Variants in SYNE2 observed in about 807,000 individuals in gnomAD.
SYNE2 encodes the protein spectrin repeat containing nuclear envelope protein 2.
In SYNE2, 431 loss-of-function variants were observed where a neutral mutation model predicts 856.3. The ratio of observed to expected loss-of-function variants is 0.50; its 90% CI spans 0.47 to 0.55. SYNE2 has a LOEUF of 0.55. Among genes scored for constraint, SYNE2 ranks in the 20% least tolerant of loss-of-function variants. SYNE2 has a pLI of 0.00. For missense variants in SYNE2, 8,129 were observed against 8,023.2 expected (o/e 1.01, Z -0.50); for synonymous variants, 2,923 against 2,872.3 (o/e 1.02, Z -0.56).
chr14:64,009,862 A>G lies in SYNE2; in HGVS notation c.4578-104A>G, dbSNP rs1181907347. 14 of 1,010,946 alleles carry G rather than the reference A, an allele frequency of 1.4e-5. No homozygotes were observed. In the East Asian group the frequency reaches 2.2e-4, roughly 16 times the overall value. 62.6% of individuals were successfully genotyped at this position (1,010,946 alleles called of 1,614,324 possible). A position where few individuals can be genotyped will look rare whatever the true frequency, so the allele number is the denominator to read the frequency against. Reference sequence around the variant, plus strand: ...TATTAAGAACCACATCAAGAGGAAAAGTCCTTTACACCTTATTCATCATTT... The same window carrying G: ...TATTAAGAACCACATCAAGAGGAAAGGTCCTTTACACCTTATTCATCATTT... On this transcript the variant is annotated intron_variant, in intron 31 of 115. Transcript: ENST00000555002.
intron 110 of SYNE2, among the ~76,000 whole-genome samples, chr14:64,219,973 T>C (rs1346698401): frequency 1.3e-5 from 2 of 152,220 alleles, no homozygotes; most frequent in African/African-American, 4.8e-5. Flanking sequence ...CCATGAGCAG[T>C]AGCCTGAGAC....
chr14:64,064,555 T>TTG (rs2097343196), intron 50 of SYNE2, among the ~76,000 whole-genome samples: 1 of 149,232 alleles, frequency 6.7e-6, no homozygotes, highest in Non-Finnish European at 1.5e-5. Flanking sequence ...TTTTTTTTTT[T>TTG]TTTTTTTTTT....
chr14:64,119,394 C>T (rs1262265009), intron 66 of SYNE2, 33 bp from the exon 67 acceptor site: 2 of 1,612,440 alleles, frequency 1.2e-6, no homozygotes, highest in African/African-American at 1.3e-5. Flanking sequence ...TCAAGAACAA[C>T]ATTATGAATA....
At chr14:64,154,395 TA>T (rs34163553) in intron 85 of SYNE2, among the ~76,000 whole-genome samples, 4 of 151,894 alleles carry the variant, frequency 2.6e-5, no homozygotes. Context: ...CACAAATTGT[TA>T]AAAAAAGTAT....
rs1248465488 is a variant in SYNE2 at position 64,012,913 on chromosome 14, A to G, written c.4728+2797A>G. 2.6e-5 allele frequency among the ~76,000 whole-genome samples: 4 copies of G among 152,276 alleles called. No individual in the cohort carries two copies. In the East Asian group the frequency reaches 7.7e-4, roughly 29 times the overall value. On this transcript the variant is annotated intron_variant, in intron 32 of 115. Transcript: ENST00000555002. Reference sequence around the variant, plus strand: ...ATCCTGCTTTGCAGCAGTGCCTGGAATATGATACCACTGAGAACTTTTGTC... The same window carrying G: ...ATCCTGCTTTGCAGCAGTGCCTGGAGTATGATACCACTGAGAACTTTTGTC...
At chr14:63,814,793 T>C (rs1479751274) in intron 1 of SYNE2, among the ~76,000 whole-genome samples, 4 of 128,242 alleles carry the variant, frequency 3.1e-5, no homozygotes, top group African/African-American at 1.1e-4. Flanking sequence ...TATATCCATA[T>C]ATATCCATAT....
chr14:64,026,125 C>T (rs974360129), intron 41 of SYNE2, among the ~76,000 whole-genome samples: 6 of 152,048 alleles, frequency 3.9e-5, no homozygotes, highest in South Asian at 2.1e-4. Context: ...TATATCCAGA[C>T]GTTTTCCCAG....
chr14:63,983,944 AT>A, intron 18 of SYNE2, 58 bp downstream of exon 18: 10 of 1,333,126 alleles, frequency 7.5e-6, no homozygotes, highest in Non-Finnish European at 1.0e-5. Context: ...TAACTTTGCT[AT>A]TAAAAAAAAG....
At position 64,163,519 on chromosome 14, in the gene SYNE2, C is replaced by T; in HGVS notation, c.16417C>T (p.His5473Tyr). 3 of 1,614,188 alleles carry T rather than the reference C, an allele frequency of 1.9e-6. No homozygotes were observed. The highest frequency in any genetic ancestry group is 2.5e-6 in the Non-Finnish European group (3 of 1,180,036). Residue 5473 changes from histidine to tyrosine, a missense_variant, in exon 89 of 116, where the codon CAC (histidine) becomes TAC (tyrosine). Transcript: ENST00000555002. ...STHMLLPGPL[H>Y]SLQRAAYLEK... ...CCACATGCTCCTCCCGGGCCCCCTG[C>T]ACTCTCTCCAGAGGGCTGCTTATTT... is the stretch of plus-strand genomic sequence containing the variant.
intron 1 of SYNE2, among the ~76,000 whole-genome samples, chr14:63,905,731 TATC>T (rs1695395164): frequency 6.6e-6 from 1 of 152,220 alleles, no homozygotes; most frequent in South Asian, 2.1e-4. Flanking sequence ...TATAGAATCA[TATC>T]ATCAGCAAAG....
Position 64,191,037 on chromosome 14 carries a change from T to C in SYNE2, c.18038+800T>C, listed in dbSNP as rs1199345817. The C allele has an allele frequency of 7.1e-6, 5 of 702,244 alleles. No individual in the cohort carries two copies. In the South Asian group the frequency reaches 7.4e-5, roughly 10 times the overall value. The allele number at this position is 702,244 out of a possible 1,614,324, so 43.5% of individuals were successfully genotyped here. ...CACACGGGTCCTTTCCATAGCAGTG[T>C]GCTCAGATGTTTTGAACAACACATA... is the stretch of plus-strand genomic sequence containing the variant. On this transcript the variant is annotated intron_variant, in intron 99 of 115. Transcript: ENST00000555002.
intron 33 of SYNE2, among the ~76,000 whole-genome samples, chr14:64,017,027 G>T (rs967321057): frequency 2.6e-5 from 4 of 151,940 alleles, no homozygotes; most frequent in African/African-American, 9.7e-5. Context: ...AAAAAATGTG[G>T]TTTAGAAATG....
At chr14:63,827,416 G>T (rs1404815015) in intron 1 of SYNE2, among the ~76,000 whole-genome samples, 1 of 151,552 alleles carries the variant, frequency 6.6e-6, no homozygotes, top group African/African-American at 2.4e-5. Context: ...CCTAAGGTTG[G>T]GAGTTCGAGA....
chr14:64,019,776 C>G (rs1315110432), intron 34 of SYNE2, among the ~76,000 whole-genome samples: 1 of 152,188 alleles, frequency 6.6e-6, no homozygotes, highest in African/African-American at 2.4e-5. Flanking sequence ...CCTAGCCTTT[C>G]TCTTGTCTTA....
rs780455758 is a variant in SYNE2, at chr14:64,126,589, C to A, written c.13708-9C>A. ...GCTCATTCATTGTCTTCCTTCCTCT[C>A]CACTCCAGACGCTGGCTCTTGAGTT... On this transcript the variant is annotated splice_polypyrimidine_tract_variant and intron_variant, in intron 72 of 115. Transcript: ENST00000555002. The A allele has an allele frequency of 2.5e-6, 4 of 1,614,206 alleles. No individual in the cohort carries two copies. The highest frequency in any genetic ancestry group is 3.4e-6 in the Non-Finnish European group (4 of 1,180,034).
chr14:64,170,375 C>T lies in SYNE2; in HGVS notation c.17148C>T (p.Leu5716=). The T allele has an allele frequency of 6.2e-7, 1 of 1,614,194 alleles. No homozygotes were observed. The change falls in exon 94 of 116, where the codon CTC becomes CTT. Residue 5716 remains leucine, a synonymous_variant. Coordinates refer to ENST00000555002, the MANE Select transcript of SYNE2 (RefSeq NM_182914.3). ...CTGTGGAGAACTTGTTTCGCTTCCT[C>T]ACTGACACCAGCCACCTGCTATCTG... is the stretch of plus-strand genomic sequence containing the variant. The part of the protein sequence containing the change: ...TTSVENLFRF[L]TDTSHLLSAV...
Position 64,223,175 on chromosome 14 carries a change from TTATC to T in SYNE2, c.20191-12_20191-9del. 4 of 1,613,034 alleles carry T rather than the reference TTATC, an allele frequency of 2.5e-6. No individual in the cohort carries two copies. The highest frequency in any genetic ancestry group is 3.4e-6 in the Non-Finnish European group (4 of 1,179,524). On this transcript the variant is annotated splice_polypyrimidine_tract_variant and intron_variant, in intron 112 of 115. Transcript: ENST00000555002. The stretch of plus-strand genomic sequence containing the variant: ...TGGACAGGTCACTGTTTCACACACT[TTATC>T]TGTTTTCAGCAACTGGAAAAGGAGC...
Position 64,130,193 on chromosome 14 carries a change from A to C in SYNE2, c.14285A>C (p.His4762Pro), listed in dbSNP as rs1171395180. Residue 4762 changes from histidine to proline, a missense_variant, in exon 76 of 116, where the codon CAC (histidine) becomes CCC (proline). His to Pro is a moderately conservative substitution (Grantham distance 77). This residue lies in a region of SYNE2 where 5,410 missense variants were observed against 5,284.8 expected (regional missense o/e 1.02). Coordinates refer to ENST00000555002, the MANE Select transcript of SYNE2 (RefSeq NM_182914.3). Reference protein sequence around the residue: ...KIGKEKLAHGHLKQTKSKVAL... With the variant: ...KIGKEKLAHGPLKQTKSKVAL... ...GGGAAGGAAAAGCTTGCTCATGGCCACTTAAAACAAACCAAAAGTAAAGTG... is the reference window on the plus strand; with the variant it reads ...GGGAAGGAAAAGCTTGCTCATGGCCCCTTAAAACAAACCAAAAGTAAAGTG... 6.2e-7 allele frequency: 1 copy of C among 1,614,046 alleles called. No homozygotes were observed. Among genetic ancestry groups the C allele is most frequent in the East Asian group, 2.2e-5 (1 of 44,854 alleles).
chr14:64,018,942 A>G (rs766925379), intron 34 of SYNE2, among the ~76,000 whole-genome samples: 1 of 152,180 alleles, frequency 6.6e-6, no homozygotes, highest in Non-Finnish European at 1.5e-5. Flanking sequence ...ATTCTTCCTA[A>G]TTGCTTGTTT....
Sources: allele counts gnomAD v4.1 joint callset (sites outside exome capture counted in the v4.1 genomes callset), GRCh38; gene constraint gnomAD v4.1.1; regional missense constraint gnomAD v4.1.1; transcripts MANE v1.5; gene names NCBI Gene and HGNC (gene_info 2026-07-23, HGNC 2026-07-21).